ZNF362: variants seen among roughly 807,000 people sequenced by gnomAD.
The protein encoded by ZNF362 is zinc finger protein 362.
Under a neutral mutation model 42.9 loss-of-function variants are expected in ZNF362, and 11 were observed. The ratio of observed to expected loss-of-function variants is 0.26; its 90% CI spans 0.16 to 0.42. The LOEUF (loss-of-function observed/expected upper bound fraction) is 0.42. ZNF362 is among the 20% of genes least tolerant of loss of function. The pLI, the probability that ZNF362 is intolerant of heterozygous loss-of-function variation, is 1.00. For missense variants in ZNF362, 362 were observed against 576.2 expected, an observed-to-expected ratio of 0.63 and a Z score of 3.81; for synonymous variants, 255 against 257.3, an observed-to-expected ratio of 0.99 and a Z score of 0.09.
At chr1:33,167,863 T>C in the ZNF362 span, among the ~76,000 whole-genome samples, 1 of 152,216 alleles carries the variant, frequency 6.6e-6, no homozygotes, top group Non-Finnish European at 1.5e-5. This position sits in a 1 kb window ranked among gnomAD's most constrained non-coding sequence, Gnocchi z 4.2. Flanking sequence ...TTGATTACTA[T>C]CAATTATTCA....
chr1:33,270,472 A>G lies in ZNF362; in HGVS notation c.-88-15A>G. The G allele has an allele frequency of 1.5e-6, 1 of 676,200 alleles. No individual in the cohort carries two copies. The highest frequency in any genetic ancestry group is 2.7e-6 in the Non-Finnish European group (1 of 369,694). The allele number at this position is 676,200 out of a possible 1,614,324, so 41.9% of individuals were successfully genotyped here. On this transcript the variant is annotated splice_polypyrimidine_tract_variant and intron_variant, in intron 1 of 8. Coordinates refer to ENST00000539719, the MANE Select transcript of ZNF362 (RefSeq NM_152493.3). ...TATTATTGTTATTATTGTTATTGTT[A>G]TTCCCATATACAAGGTGCTGTTGGG...
chr1:33,267,468 CCT>C (rs1410976157), intron 1 of ZNF362, among the ~76,000 whole-genome samples: 1 of 152,158 alleles, frequency 6.6e-6, no homozygotes, highest in South Asian at 2.1e-4. Flanking sequence ...CCATTTCCCC[CCT>C]GACTATTGTT....
At chr1:33,174,945 G>GTATATATATA in the ZNF362 span, among the ~76,000 whole-genome samples, 167 of 141,730 alleles carry the variant, frequency 1.2e-3, 1 homozygote, top group East Asian at 0.032. Flanking sequence ...ATATATGTGT[G>GTATATATATA]TATATATATA....
At chr1:33,229,685 G>A in the ZNF362 span, among the ~76,000 whole-genome samples, 1 of 151,954 alleles carries the variant, frequency 6.6e-6, no homozygotes, top group African/African-American at 2.4e-5. Context: ...GATTACAGGC[G>A]TGAACCACCA....
chr1:33,293,683 C>T (rs1202034184), intron 6 of ZNF362, among the ~76,000 whole-genome samples: 1 of 152,180 alleles, frequency 6.6e-6, no homozygotes, highest in Non-Finnish European at 1.5e-5. Flanking sequence ...TCATTGCTCA[C>T]CTGCTTGGTA....
In ZNF362 at chr1:33,295,201, C is replaced by G; in HGVS notation, c.1042C>G (p.Arg348Gly). Reference protein sequence around the residue: ...DKPYKCPNCYRAYSDSASLQI... With the variant: ...DKPYKCPNCYGAYSDSASLQI... ...GCCCTACAAGTGTCCCAACTGCTAC[C>G]GGGCCTATTCGGACTCCGCTTCTTT... Residue 348 changes from arginine to glycine, a missense_variant, in exon 8 of 9, where the codon CGG becomes GGG. This residue lies in a region of ZNF362 where 68 missense variants were observed against 107.4 expected (regional missense o/e 0.63). Coordinates refer to ENST00000539719, the MANE Select transcript of ZNF362 (RefSeq NM_152493.3). The G allele has an allele frequency of 1.2e-6, 2 of 1,614,214 alleles. No individual in the cohort carries two copies.
chr1:33,296,759 T>C (rs1255104022), intron 8 of ZNF362, among the ~76,000 whole-genome samples: 1 of 151,798 alleles, frequency 6.6e-6, no homozygotes, highest in Non-Finnish European at 1.5e-5. Context: ...TGGGGCTCTG[T>C]TAGAAAAGTT....
upstream of ZNF362, among the ~76,000 whole-genome samples, chr1:33,254,527 A>G (rs965207378): frequency 6.6e-6 from 1 of 152,228 alleles, no homozygotes; most frequent in Non-Finnish European, 1.5e-5. Flanking sequence ...TTTGTTGGAT[A>G]GCCCACTCTT....
At chr1:33,213,534 T>C in the ZNF362 span, among the ~76,000 whole-genome samples, 2 of 152,014 alleles carry the variant, frequency 1.3e-5, no homozygotes, top group Non-Finnish European at 2.9e-5. Flanking sequence ...TAATAATAAT[T>C]ACTATTTTGG....
the ZNF362 span, chr1:33,147,205 G>A: frequency 6.8e-6 from 11 of 1,613,716 alleles, no homozygotes; most frequent in Middle Eastern, 1.6e-4. The surrounding 1 kb of genome is among the most constrained non-coding windows in gnomAD (Gnocchi z 8.1). Context: ...GATCCGCAGC[G>A]GCTGAACGTT....
At chr1:33,203,184 C>CT in the ZNF362 span, among the ~76,000 whole-genome samples, 82 of 151,926 alleles carry the variant, frequency 5.4e-4, no homozygotes, top group Non-Finnish European at 1.0e-3. Context: ...TCTGACTTTT[C>CT]TTTTTTTTGA....
At chr1:33,147,126 C>G in the ZNF362 span, 18 of 1,581,692 alleles carry the variant, frequency 1.1e-5, no homozygotes, top group Non-Finnish European at 1.3e-5. This position sits in a 1 kb window ranked among gnomAD's most constrained non-coding sequence, Gnocchi z 8.1. Flanking sequence ...CTGGGCAGGG[C>G]TCTTGCAGGT....
chr1:33,155,645 C>T, the ZNF362 span, among the ~76,000 whole-genome samples: 1 of 152,154 alleles, frequency 6.6e-6, no homozygotes, highest in East Asian at 1.9e-4. Context: ...AGGACAAGTT[C>T]CTAACAGCTC....
the ZNF362 span, among the ~76,000 whole-genome samples, chr1:33,232,935 A>G: frequency 6.6e-6 from 1 of 152,220 alleles, no homozygotes; most frequent in African/African-American, 2.4e-5. Context: ...CTACAAATGC[A>G]TCATCTCATT....
At chr1:33,180,474 G>T in the ZNF362 span, among the ~76,000 whole-genome samples, 2 of 152,110 alleles carry the variant, frequency 1.3e-5, no homozygotes, top group African/African-American at 4.8e-5. Context: ...CACTCTATTA[G>T]GTTTCACCCT....
upstream of ZNF362, among the ~76,000 whole-genome samples, chr1:33,256,067 C>G (rs975503748): frequency 2.6e-5 from 4 of 151,488 alleles, no homozygotes; most frequent in African/African-American, 9.7e-5. Flanking sequence ...GGCGCCGGTG[C>G]CCTCCCCGCG....
intron 6 of ZNF362, among the ~76,000 whole-genome samples, chr1:33,288,115 A>G (rs1358055989): frequency 6.6e-6 from 1 of 152,220 alleles, no homozygotes; most frequent in Non-Finnish European, 1.5e-5. Flanking sequence ...TATTTTATGA[A>G]CACCCATTAA....
chr1:33,176,968 C>T, the ZNF362 span, among the ~76,000 whole-genome samples: 25 of 152,164 alleles, frequency 1.6e-4, no homozygotes, highest in Admixed American at 2.6e-4. Context: ...GGCTCCTTCC[C>T]TCCACTTTGC....
intron 1 of ZNF362, among the ~76,000 whole-genome samples, chr1:33,265,952 C>T (rs1240170622): frequency 2.0e-5 from 3 of 152,224 alleles, no homozygotes; most frequent in African/African-American, 7.2e-5. Flanking sequence ...GCCTCGGGGC[C>T]TTTGCACATG....
Sources: gnomAD v4.1 joint callset for allele counts (sites outside exome capture counted in the v4.1 genomes callset) on GRCh38, gnomAD v4.1.1 for gene constraint, gnomAD v4.1.1 regional missense constraint, Gnocchi (gnomAD v3.1) non-coding constraint, MANE v1.5 for transcripts, NCBI Gene and HGNC (gene_info 2026-07-23, HGNC 2026-07-21) for gene names.